CDIN1: variants seen among roughly 807,000 people sequenced by gnomAD.
The protein encoded by CDIN1 is CDAN1-interacting nuclease 1.
Under a neutral mutation model 45.3 loss-of-function variants are expected in CDIN1, and 33 were observed. That is an observed-to-expected ratio of 0.73 (90% CI 0.55 to 0.97). The LOEUF is 0.97. Ranked by LOEUF, CDIN1 falls within the 50% of genes least tolerant of loss-of-function variation. The pLI is 0.00. For missense variants in CDIN1, 303 were observed against 339.4 expected, an observed-to-expected ratio of 0.89 and a Z score of 0.84; for synonymous variants, 118 against 124.4, an observed-to-expected ratio of 0.95 and a Z score of 0.34.
intron 5 of CDIN1, among the ~76,000 whole-genome samples, chr15:36,672,416 C>G (rs1330282829): frequency 6.6e-6 from 1 of 151,962 alleles, no homozygotes; most frequent in Non-Finnish European, 1.5e-5. Flanking sequence ...TGGGAGATCT[C>G]AGGAAAGCCA....
chr15:36,701,189 G>A (rs2042632090), intron 8 of CDIN1, among the ~76,000 whole-genome samples: 1 of 151,762 alleles, frequency 6.6e-6, no homozygotes, highest in African/African-American at 2.4e-5. Context: ...AGCATTTAAA[G>A]TCTCAAAAGG....
intron 1 of CDIN1, among the ~76,000 whole-genome samples, chr15:36,615,354 G>A (rs2038842995): frequency 6.6e-6 from 1 of 152,112 alleles, no homozygotes; most frequent in African/African-American, 2.4e-5. Flanking sequence ...GGCTTAAAAT[G>A]TACTCTCCTT....
intron 10 of CDIN1, chr15:36,804,444 T>G (rs2055156450): frequency 6.6e-6 from 1 of 152,036 alleles, no homozygotes; most frequent in African/African-American, 2.4e-5. Context: ...ATTGCCCATC[T>G]TGTCCTTGAG....
intron 10 of CDIN1, among the ~76,000 whole-genome samples, chr15:36,733,568 A>G (rs970015335): frequency 6.6e-6 from 1 of 152,136 alleles, no homozygotes; most frequent in African/African-American, 2.4e-5. Flanking sequence ...GAACCATTTC[A>G]GCTTAACCTT....
chr15:36,600,273 A>G (rs538199142), intron 1 of CDIN1, among the ~76,000 whole-genome samples: 20 of 152,368 alleles, frequency 1.3e-4, no homozygotes, highest in African/African-American at 4.3e-4. Flanking sequence ...AGAAAACTGC[A>G]GAGCAGGAAC....
chr15:36,661,661 T>A (rs188188647), intron 5 of CDIN1, among the ~76,000 whole-genome samples: 60 of 152,312 alleles, frequency 3.9e-4, no homozygotes, highest in Admixed American at 1.3e-4. Flanking sequence ...TGATTTTACC[T>A]GTTTTTTTGT....
At chr15:36,729,620 C>T (rs879531148) in intron 10 of CDIN1, among the ~76,000 whole-genome samples, 11 of 152,128 alleles carry the variant, frequency 7.2e-5, no homozygotes, top group African/African-American at 1.7e-4. Flanking sequence ...CTGCCCAGCT[C>T]CTGTGATGAG....
At chr15:36,691,288 A>G (rs1335466452) in intron 5 of CDIN1, 121 of 443,300 alleles carry the variant, frequency 2.7e-4, no homozygotes, top group South Asian at 7.4e-4. Flanking sequence ...CAAAGACTTC[A>G]GATCTGACCT....
chr15:36,624,466 A>G (rs1296649717), intron 1 of CDIN1, among the ~76,000 whole-genome samples: 4 of 152,176 alleles, frequency 2.6e-5, no homozygotes, highest in Non-Finnish European at 5.9e-5. Flanking sequence ...GTTGTAGAAT[A>G]ATTATAGTCC....
intron 10 of CDIN1, among the ~76,000 whole-genome samples, chr15:36,776,216 G>T (rs922688506): frequency 6.6e-6 from 1 of 152,180 alleles, no homozygotes; most frequent in South Asian, 2.1e-4. Context: ...TCACTGCTGG[G>T]CAGTCTTACC....
chr15:36,621,259 A>C (rs2039173874), intron 1 of CDIN1, among the ~76,000 whole-genome samples: 2 of 152,194 alleles, frequency 1.3e-5, no homozygotes, highest in African/African-American at 4.8e-5. Flanking sequence ...TATTAAAGTG[A>C]ATGTAAATAG....
Position 36,715,420 on chromosome 15 carries a change from G to A in CDIN1, c.716+5459G>A, listed in dbSNP as rs139757714. On this transcript the variant is annotated intron_variant, in intron 10 of 10. Coordinates refer to ENST00000566621, the MANE Select transcript of CDIN1 (RefSeq NM_001321759.2). ...GGAATGCCAACCAGTTAGAGTTAAG[G>A]AAGATATTTTTCAGAGCATGGCCAA... Among the ~76,000 whole-genome samples, 636 of 152,282 alleles carry A rather than the reference G, an allele frequency of 4.2e-3. 2 individuals carry two copies. The highest frequency in any genetic ancestry group is 0.014 in the African/African-American group (597 of 41,550).
chr15:36,702,074 G>A (rs984369792), intron 8 of CDIN1: 68 of 702,114 alleles, frequency 9.7e-5, no homozygotes, highest in Non-Finnish European at 1.5e-4. Context: ...GTGTGTACAC[G>A]CAGATGTCAG....
chr15:36,687,656 G>A (rs113667150), intron 5 of CDIN1, among the ~76,000 whole-genome samples: 6 of 152,082 alleles, frequency 3.9e-5, no homozygotes, highest in African/African-American at 1.2e-4. Flanking sequence ...GAATTATAAG[G>A]AGAAACTGAC....
chr15:36,773,736 G>A (rs12595519), intron 10 of CDIN1, among the ~76,000 whole-genome samples: 14,524 of 152,292 alleles, frequency 0.095, 834 homozygotes, highest in African/African-American at 0.16. Flanking sequence ...TATTATTATA[G>A]TGTAGGTTGG....
intron 1 of CDIN1, among the ~76,000 whole-genome samples, chr15:36,614,623 T>C (rs7174391): frequency 1.9e-3 from 293 of 152,060 alleles, no homozygotes; most frequent in African/African-American, 6.0e-3. Flanking sequence ...CCCCTCTCCA[T>C]AGAGGAGAGG....
Position 36,697,365 on chromosome 15 carries a change from TC to T in CDIN1, c.520del (p.Leu174Ter), listed in dbSNP as rs2042469644. ...ATGAGGTCCTGCTGAGAGACTTGCTTCTAGAGAAAAACCTGTCCTTCCTAGG... is the reference window on the plus strand; with the variant it reads ...ATGAGGTCCTGCTGAGAGACTTGCTTTAGAGAAAAACCTGTCCTTCCTAGG... ...EHEVLLRDLL[L>X]EKNLSFLDED... On this transcript the variant is annotated frameshift_variant, in exon 8 of 11. Transcript: ENST00000566621. LOFTEE classifies it high-confidence loss of function. 6.2e-7 allele frequency: 1 copy of T among 1,612,334 alleles called. No homozygotes were observed. The highest frequency in any genetic ancestry group is 1.7e-5 in the Admixed American group (1 of 59,726).
At chr15:36,650,784 T>C (rs1040406566) in intron 3 of CDIN1, among the ~76,000 whole-genome samples, 3 of 152,126 alleles carry the variant, frequency 2.0e-5, no homozygotes, top group African/African-American at 7.2e-5. Context: ...AGATTTCTGT[T>C]AACCATGATG....
At chr15:36,640,047 C>T (rs2040045237) in intron 1 of CDIN1, among the ~76,000 whole-genome samples, 1 of 152,094 alleles carries the variant, frequency 6.6e-6, no homozygotes, top group Admixed American at 6.6e-5. Flanking sequence ...AGATTTTTCC[C>T]TTTTCCCCCC....
Sources: allele counts gnomAD v4.1 joint callset (sites outside exome capture counted in the v4.1 genomes callset), GRCh38; gene constraint gnomAD v4.1.1; transcripts MANE v1.5; gene names NCBI Gene and HGNC (gene_info 2026-07-23, HGNC 2026-07-21).